GALNT13: variants seen among roughly 807,000 people sequenced by gnomAD.
GALNT13 encodes UDP-GalNAc:polypeptide N-acetylgalactosaminyltransferase 13.
Under a neutral mutation model 64.2 loss-of-function variants are expected in GALNT13, and 28 were observed. That is an observed-to-expected ratio of 0.44 (90% CI 0.32 to 0.60). The LOEUF is 0.60. GALNT13 is among the 20% of genes least tolerant of loss of function. GALNT13 has a pLI of 0.05. For synonymous variants in GALNT13, 214 were observed against 224.6 expected, an observed-to-expected ratio of 0.95 and a Z score of 0.42; for missense variants, 577 against 669.8, an observed-to-expected ratio of 0.86 and a Z score of 1.53.
chr2:154,151,575 G>A (rs767836926), intron 4 of GALNT13, among the ~76,000 whole-genome samples: 34 of 152,136 alleles, frequency 2.2e-4, no homozygotes, highest in Non-Finnish European at 3.7e-4. Flanking sequence ...AAGTCTCTTC[G>A]TAAGTCACTC....
At chr2:153,659,751 C>G in the GALNT13 span, among the ~76,000 whole-genome samples, 5 of 152,216 alleles carry the variant, frequency 3.3e-5, no homozygotes, top group East Asian at 9.7e-4. Flanking sequence ...TCTGAGCGCA[C>G]TGCCTATAAG....
intron 9 of GALNT13, among the ~76,000 whole-genome samples, chr2:154,390,710 T>C (rs776974171): frequency 2.0e-5 from 3 of 152,228 alleles, no homozygotes; most frequent in Non-Finnish European, 4.4e-5. Flanking sequence ...CATTTACCTA[T>C]TAATGAAACC....
the GALNT13 span, among the ~76,000 whole-genome samples, chr2:153,145,520 T>A: frequency 2.6e-5 from 4 of 151,894 alleles, no homozygotes; most frequent in Non-Finnish European, 5.9e-5. Flanking sequence ...TTAAGCCAAA[T>A]TCTAAAAATA....
At chr2:153,651,221 A>G in the GALNT13 span, among the ~76,000 whole-genome samples, 2 of 152,190 alleles carry the variant, frequency 1.3e-5, no homozygotes, top group Non-Finnish European at 1.5e-5. Flanking sequence ...GGGATATAGA[A>G]TATTAAACAA....
chr2:153,796,399 A>G, the GALNT13 span, among the ~76,000 whole-genome samples: 2 of 152,346 alleles, frequency 1.3e-5, no homozygotes, highest in African/African-American at 4.8e-5. Flanking sequence ...AAAATGTATT[A>G]TATCTGTCAT....
chr2:153,928,051 G>T (rs1044897848), intron 2 of GALNT13, among the ~76,000 whole-genome samples: 1 of 151,986 alleles, frequency 6.6e-6, no homozygotes, highest in Non-Finnish European at 1.5e-5. Context: ...TTATGCTACT[G>T]GGGGTTCTTT....
the GALNT13 span, among the ~76,000 whole-genome samples, chr2:153,412,537 T>C: frequency 3.3e-5 from 5 of 152,190 alleles, no homozygotes; most frequent in African/African-American, 1.2e-4. Flanking sequence ...CTGGCATGTC[T>C]CTCAGAAGCC....
At chr2:153,922,665 A>G (rs1457527898) in intron 2 of GALNT13, among the ~76,000 whole-genome samples, 2 of 151,986 alleles carry the variant, frequency 1.3e-5, no homozygotes, top group Non-Finnish European at 1.5e-5. Context: ...CCTTCCCCCA[A>G]CCCTTACTCT....
At chr2:154,398,860 A>G (rs1054293489) in intron 10 of GALNT13, among the ~76,000 whole-genome samples, 1 of 152,230 alleles carries the variant, frequency 6.6e-6, no homozygotes, top group Non-Finnish European at 1.5e-5. Context: ...TCCTATGCCA[A>G]CAGTTATTCT....
chr2:153,919,129 AT>A (rs1339205935), intron 2 of GALNT13, among the ~76,000 whole-genome samples: 1 of 152,054 alleles, frequency 6.6e-6, no homozygotes, highest in Admixed American at 6.6e-5. Context: ...CCTTGATAGC[AT>A]TGCCCAATCT....
intron 4 of GALNT13, chr2:154,236,292 A>G (rs536520206): frequency 7.4e-6 from 3 of 408,134 alleles, no homozygotes; most frequent in South Asian, 8.9e-5. Context: ...CAAAGAGTCT[A>G]TCTTTATGGT....
chr2:153,567,705 G>A, the GALNT13 span, among the ~76,000 whole-genome samples: 3 of 152,172 alleles, frequency 2.0e-5, no homozygotes, highest in African/African-American at 7.2e-5. Context: ...ACTCGGTAAC[G>A]AGAACTGGGT....
At chr2:153,621,518 G>A in the GALNT13 span, among the ~76,000 whole-genome samples, 3 of 152,124 alleles carry the variant, frequency 2.0e-5, no homozygotes, top group Non-Finnish European at 4.4e-5. Flanking sequence ...AGCCATACCT[G>A]TGTCCTTCCC....
At chr2:153,636,979 G>A in the GALNT13 span, among the ~76,000 whole-genome samples, 1 of 152,020 alleles carries the variant, frequency 6.6e-6, no homozygotes, top group Non-Finnish European at 1.5e-5. Context: ...TTACAGTGAT[G>A]AACTACTGGG....
the GALNT13 span, among the ~76,000 whole-genome samples, chr2:153,561,799 A>G: frequency 2.0e-5 from 3 of 152,050 alleles, no homozygotes; most frequent in Admixed American, 6.6e-5. Context: ...TCATTAATTA[A>G]CTGTTGACTT....
At chr2:154,252,617 A>G (rs1376298861) in intron 7 of GALNT13, among the ~76,000 whole-genome samples, 2 of 152,160 alleles carry the variant, frequency 1.3e-5, no homozygotes. Flanking sequence ...CAGCCTCCCA[A>G]AGTGCTGGGA....
chr2:154,085,977 A>G (rs1445347845), intron 3 of GALNT13, among the ~76,000 whole-genome samples: 1 of 151,862 alleles, frequency 6.6e-6, no homozygotes, highest in African/African-American at 2.4e-5. Flanking sequence ...TGACAATGCC[A>G]TTAGTAGTAT....
intron 3 of GALNT13, among the ~76,000 whole-genome samples, chr2:153,951,093 A>G (rs1692147097): frequency 6.6e-6 from 1 of 152,128 alleles, no homozygotes; most frequent in Non-Finnish European, 1.5e-5. Context: ...GGGAATTAGG[A>G]TGTTGTCTGT....
intron 3 of GALNT13, among the ~76,000 whole-genome samples, chr2:154,014,302 G>T (rs1696847475): frequency 6.6e-6 from 1 of 152,086 alleles, no homozygotes; most frequent in South Asian, 2.1e-4. Flanking sequence ...GGGGTCCTGA[G>T]GTCTCCTGCA....
Sources: gnomAD v4.1 joint callset for allele counts (sites outside exome capture counted in the v4.1 genomes callset) on GRCh38, gnomAD v4.1.1 for gene constraint, MANE v1.5 for transcripts, NCBI Gene and HGNC (gene_info 2026-07-23, HGNC 2026-07-21) for gene names.